The following SNTB1 variants were observed in gnomAD, a reference collection of about 807,000 sequenced individuals.
SNTB1 encodes syntrophin beta 1.
In SNTB1, 36 loss-of-function variants were observed where a neutral mutation model predicts 48.9. That is an observed-to-expected ratio of 0.74 (90% CI 0.56 to 0.97). The LOEUF is 0.97. SNTB1 is among the 50% of genes least tolerant of loss of function. The probability of loss-of-function intolerance (pLI) is 0.00; values close to 1 mark genes in which losing one functional copy is unlikely to be tolerated. For synonymous variants in SNTB1, 299 were observed against 294.6 expected (o/e 1.01, Z -0.15); for missense variants, 786 against 703.4 (o/e 1.12, Z -1.33).
intron 3 of SNTB1, among the ~76,000 whole-genome samples, chr8:120,609,114 A>G (rs1472223480): frequency 1.3e-5 from 2 of 152,238 alleles, no homozygotes; most frequent in Non-Finnish European, 2.9e-5. Flanking sequence ...GACTACTAAA[A>G]GAGCAGATAT....
intron 3 of SNTB1, among the ~76,000 whole-genome samples, chr8:120,578,807 CTGGGTCAG>C (rs1329894096): frequency 1.3e-5 from 2 of 152,192 alleles, no homozygotes; most frequent in Non-Finnish European, 2.9e-5. Context: ...CCCAAATCAT[CTGGGTCAG>C]TGGCTTCCAA....
At chr8:120,739,348 C>T (rs11992018) in intron 1 of SNTB1, among the ~76,000 whole-genome samples, 19,912 of 152,150 alleles carry the variant, frequency 0.13, 1,697 homozygotes, top group African/African-American at 0.23. Flanking sequence ...TCTGTGGAAA[C>T]GAGCTAGCCT....
intron 4 of SNTB1, chr8:120,571,496 T>G (rs1563820288): frequency 1.0e-3 from 352 of 339,422 alleles, no homozygotes; most frequent in South Asian, 1.9e-3. Flanking sequence ...TTTTTTTTTT[T>G]TTTTTTTTTT....
chr8:120,761,696 T>C (rs1181916908), intron 1 of SNTB1, among the ~76,000 whole-genome samples: 1 of 152,244 alleles, frequency 6.6e-6, no homozygotes, highest in South Asian at 2.1e-4. Flanking sequence ...CATATACATA[T>C]GGGGTGATCA....
intron 3 of SNTB1, among the ~76,000 whole-genome samples, chr8:120,617,475 T>C (rs1392583807): frequency 6.6e-6 from 1 of 152,142 alleles, no homozygotes; most frequent in Admixed American, 6.5e-5. Flanking sequence ...AGAAAGATAA[T>C]CCACAGATTT....
At chr8:120,643,638 T>C (rs1325395802) in intron 2 of SNTB1, among the ~76,000 whole-genome samples, 2 of 152,244 alleles carry the variant, frequency 1.3e-5, no homozygotes, top group Non-Finnish European at 2.9e-5. Context: ...GGTGTATGTA[T>C]ATCACATTTT....
intron 1 of SNTB1, among the ~76,000 whole-genome samples, chr8:120,700,439 T>C (rs1047091692): frequency 6.6e-6 from 1 of 152,196 alleles, no homozygotes; most frequent in African/African-American, 2.4e-5. Context: ...CAAAGAGCTG[T>C]TGAAACTGAT....
At chr8:120,652,433 C>G (rs781643405) in intron 2 of SNTB1, among the ~76,000 whole-genome samples, 1 of 152,030 alleles carries the variant, frequency 6.6e-6, no homozygotes, top group Non-Finnish European at 1.5e-5. Context: ...ACTTTTTCCC[C>G]CTCATTGTAA....
intron 1 of SNTB1, among the ~76,000 whole-genome samples, chr8:120,711,665 A>G (rs1655662970): frequency 6.6e-6 from 1 of 152,196 alleles, no homozygotes. Context: ...TGTTCAACGG[A>G]TAATTCATAT....
intron 2 of SNTB1, among the ~76,000 whole-genome samples, chr8:120,650,627 G>T (rs1438028946): frequency 1.3e-5 from 2 of 152,140 alleles, no homozygotes; most frequent in Non-Finnish European, 2.9e-5. Flanking sequence ...TCTCAACAAG[G>T]TCATGGGGTG....
At chr8:120,760,297 C>CAAA (rs77673399) in intron 1 of SNTB1, among the ~76,000 whole-genome samples, 2,084 of 69,172 alleles carry the variant, frequency 0.03, 95 homozygotes, top group African/African-American at 0.082. Flanking sequence ...AGAAACAAGC[C>CAAA]AAAAAAAAAA....
At chr8:120,647,143 G>A (rs2129696781) in intron 2 of SNTB1, among the ~76,000 whole-genome samples, 1 of 136,582 alleles carries the variant, frequency 7.3e-6, no homozygotes, top group East Asian at 2.1e-4. Context: ...TTTTTTGAAG[G>A]GTTTTTTGTG....
At chr8:120,804,140 C>T (rs1402555485) in intron 1 of SNTB1, among the ~76,000 whole-genome samples, 5 of 152,030 alleles carry the variant, frequency 3.3e-5, no homozygotes, top group South Asian at 2.1e-4. Flanking sequence ...AGTCATAAAA[C>T]GGGCAACTAA....
At chr8:120,670,955 G>A (rs572295173) in intron 2 of SNTB1, among the ~76,000 whole-genome samples, 2 of 152,310 alleles carry the variant, frequency 1.3e-5, no homozygotes, top group African/African-American at 4.8e-5. Flanking sequence ...ATTAGTAGAA[G>A]GCAGAGCAAA....
At chr8:120,744,636 G>T (rs1169878001) in intron 1 of SNTB1, among the ~76,000 whole-genome samples, 1 of 151,968 alleles carries the variant, frequency 6.6e-6, no homozygotes. Context: ...TTATTTTTTA[G>T]TGTTGGTAGG....
intron 1 of SNTB1, among the ~76,000 whole-genome samples, chr8:120,748,536 C>T (rs1819162597): frequency 1.3e-5 from 2 of 152,144 alleles, no homozygotes; most frequent in African/African-American, 2.4e-5. Context: ...TTTGACTTCA[C>T]AGGACCCATA....
At chr8:120,640,590 G>A (rs552366798) in intron 2 of SNTB1, among the ~76,000 whole-genome samples, 1 of 152,268 alleles carries the variant, frequency 6.6e-6, no homozygotes, top group South Asian at 2.1e-4. Context: ...TAGCATGAAG[G>A]ACTGTTGAAT....
At chr8:120,704,636 GC>G (rs1818352939) in intron 1 of SNTB1, among the ~76,000 whole-genome samples, 1 of 152,030 alleles carries the variant, frequency 6.6e-6, no homozygotes, top group East Asian at 1.9e-4. Context: ...AAAGCAGCTG[GC>G]CCACACTCCT....
At chr8:120,639,018 G>C (rs1462779698) in intron 2 of SNTB1, among the ~76,000 whole-genome samples, 1 of 152,174 alleles carries the variant, frequency 6.6e-6, no homozygotes, top group Non-Finnish European at 1.5e-5. Context: ...CAGTATAAAA[G>C]TGTTCCTATT....
Sources: allele counts gnomAD v4.1 joint callset (sites outside exome capture counted in the v4.1 genomes callset), GRCh38; gene constraint gnomAD v4.1.1; transcripts MANE v1.5; gene names NCBI Gene and HGNC (gene_info 2026-07-23, HGNC 2026-07-21).